PTPRG: variants seen among roughly 807,000 people sequenced by gnomAD.
PTPRG encodes receptor-type tyrosine-protein phosphatase gamma.
PTPRG carries 102 observed loss-of-function variants against 165.3 expected under a neutral mutation model. The observed-to-expected ratio is 0.62, with a 90% CI of 0.53 to 0.73. The LOEUF is 0.73. Ranked by LOEUF, PTPRG falls within the 30% of genes least tolerant of loss-of-function variation. The pLI is 0.00. For missense variants in PTPRG, 1,866 were observed against 1,861.4 expected, an observed-to-expected ratio of 1.00 and a Z score of -0.05; for synonymous variants, 675 against 669.5, an observed-to-expected ratio of 1.01 and a Z score of -0.13.
chr3:61,744,640 C>T (rs978535519), intron 1 of PTPRG, among the ~76,000 whole-genome samples: 14 of 152,210 alleles, frequency 9.2e-5, no homozygotes, highest in East Asian at 1.9e-4. Context: ...TGATTATGCT[C>T]TTACAGATAG....
chr3:62,098,023 AATTCGAGGTT>A (rs1314815132), intron 5 of PTPRG, among the ~76,000 whole-genome samples: 2 of 152,238 alleles, frequency 1.3e-5, no homozygotes, highest in Non-Finnish European at 2.9e-5. Context: ...TAATAATTCT[AATTCGAGGTT>A]ATCTTCATTA....
At chr3:62,070,545 C>T (rs976348663) in intron 4 of PTPRG, among the ~76,000 whole-genome samples, 2 of 152,246 alleles carry the variant, frequency 1.3e-5, no homozygotes, top group African/African-American at 2.4e-5. Context: ...CACAGACTTA[C>T]GTCCTGCGTG....
chr3:61,678,723 A>C (rs769164041), intron 1 of PTPRG, among the ~76,000 whole-genome samples: 27 of 152,300 alleles, frequency 1.8e-4, no homozygotes, highest in Admixed American at 7.8e-4. Context: ...ACGTGTCATA[A>C]TCATGTCCCA....
At chr3:62,009,044 G>A (rs1387384026) in intron 4 of PTPRG, among the ~76,000 whole-genome samples, 1 of 152,202 alleles carries the variant, frequency 6.6e-6, no homozygotes, top group Non-Finnish European at 1.5e-5. Flanking sequence ...ATGCTAAGTG[G>A]AAATATCAGT....
chr3:62,086,142 A>T (rs989916683), intron 5 of PTPRG, among the ~76,000 whole-genome samples: 1 of 152,214 alleles, frequency 6.6e-6, no homozygotes, highest in Non-Finnish European at 1.5e-5. Flanking sequence ...ATAAAGCAGA[A>T]CACCACTATT....
intron 2 of PTPRG, among the ~76,000 whole-genome samples, chr3:61,922,488 G>A (rs1376052245): frequency 6.6e-6 from 1 of 152,234 alleles, no homozygotes; most frequent in East Asian, 1.9e-4. Context: ...GTGAGTGTGT[G>A]TGTGTGTACG....
At chr3:61,606,437 A>G (rs1701010165) in intron 1 of PTPRG, among the ~76,000 whole-genome samples, 1 of 152,222 alleles carries the variant, frequency 6.6e-6, no homozygotes, top group Non-Finnish European at 1.5e-5. Flanking sequence ...TCTCTTCATT[A>G]AATTAAAGTC....
chr3:61,732,402 C>T (rs2032537764), intron 1 of PTPRG, among the ~76,000 whole-genome samples: 1 of 152,010 alleles, frequency 6.6e-6, no homozygotes, highest in African/African-American at 2.4e-5. Context: ...ACGGTGAAAC[C>T]CTGTCTCTAC....
chr3:61,843,964 CT>C (rs11310810), intron 2 of PTPRG, among the ~76,000 whole-genome samples: 69,568 of 121,770 alleles, frequency 0.57, 17,597 homozygotes, highest in Non-Finnish European at 0.61. Context: ...TTTTACAACT[CT>C]TTTTTTTTTT....
At position 62,293,394 on chromosome 3, in the gene PTPRG, C is replaced by G; in HGVS notation, c.*87C>G. ...CTTTTTTGCCAGACTCTAGGTTATA[C>G]AATAACCCAGTTACTTTTTTACACT... On this transcript the variant is annotated 3_prime_UTR_variant, in exon 30 of 30. Transcript: ENST00000474889. 1.7e-6 allele frequency: 2 copies of G among 1,189,000 alleles called. No homozygotes were observed. The highest frequency in any genetic ancestry group is 2.3e-6 in the Non-Finnish European group (2 of 877,000). The allele number at this position is 1,189,000 out of a possible 1,614,324, so 73.7% of individuals were successfully genotyped here.
rs75355348 is a variant in PTPRG, at chr3:61,884,405, A to T, written c.191-105220A>T. On this transcript the variant is annotated intron_variant, in intron 2 of 29. Coordinates refer to ENST00000474889, the MANE Select transcript of PTPRG (RefSeq NM_002841.4). ...GGGAATTGAGTCTGGTGGGGAAGAT[A>T]GCAAAAGTTATATAAACAAACAAAT... Among the ~76,000 whole-genome samples, 73 of 152,326 alleles carry T rather than the reference A, an allele frequency of 4.8e-4. 1 individual carries two copies. The East Asian group carries it at 6.8e-3, about 14-fold the overall frequency.
At chr3:61,593,722 A>C (rs957462896) in intron 1 of PTPRG, among the ~76,000 whole-genome samples, 2 of 16,620 alleles carry the variant, frequency 1.2e-4, no homozygotes, top group African/African-American at 2.9e-4. Context: ...AAAAAAAAAA[A>C]AGAAGAAAAA....
chr3:62,269,162 T>C lies in PTPRG; in HGVS notation c.3002T>C (p.Val1001Ala). The C allele has an allele frequency of 1.3e-6, 2 of 1,578,358 alleles. No homozygotes were observed. Among genetic ancestry groups the C allele is most frequent in the Non-Finnish European group, 1.7e-6 (2 of 1,154,798 alleles). ...VRRFSIRNTK[V>A]KKGQKGNPKG... ...CGTTTTTCAATCAGAAATACAAAAGTGAAAAAGGTATGGAAGGAATTGGGT... is the reference window on the plus strand; with the variant it reads ...CGTTTTTCAATCAGAAATACAAAAGCGAAAAAGGTATGGAAGGAATTGGGT... The change falls in exon 20 of 30, where the codon GTG becomes GCG. Residue 1001 changes from valine (V) to alanine (A), a missense_variant. Coordinates refer to ENST00000474889, the MANE Select transcript of PTPRG (RefSeq NM_002841.4).
At chr3:61,644,075 A>G (rs1406294671) in intron 1 of PTPRG, among the ~76,000 whole-genome samples, 1 of 152,272 alleles carries the variant, frequency 6.6e-6, no homozygotes, top group Non-Finnish European at 1.5e-5. Context: ...GTTTCAGCAG[A>G]TGTGTGAATA....
At chr3:62,069,684 T>TCTCACA (rs542306888) in intron 4 of PTPRG, among the ~76,000 whole-genome samples, 16 of 144,960 alleles carry the variant, frequency 1.1e-4, no homozygotes, top group African/African-American at 3.4e-4. Flanking sequence ...TCTCTCTCTC[T>TCTCACA]CACACACAGA....
At chr3:61,744,648 T>C (rs1355477337) in intron 1 of PTPRG, among the ~76,000 whole-genome samples, 3 of 152,126 alleles carry the variant, frequency 2.0e-5, no homozygotes, top group African/African-American at 7.2e-5. Flanking sequence ...CTCTTACAGA[T>C]AGGGGAGGGG....
chr3:61,847,670 G>T (rs2107353132), intron 2 of PTPRG, among the ~76,000 whole-genome samples: 1 of 152,282 alleles, frequency 6.6e-6, no homozygotes, highest in South Asian at 2.1e-4. Context: ...AAGCCAAGAA[G>T]ATAGAAGAGG....
In PTPRG at chr3:61,562,295, G is replaced by C; in HGVS notation, c.8G>C (p.Arg3Thr). The C allele has an allele frequency of 1.9e-6, 3 of 1,613,648 alleles. No homozygotes were observed. Among genetic ancestry groups the C allele is most frequent in the Non-Finnish European group, 2.5e-6 (3 of 1,179,630 alleles). Residue 3 changes from arginine (R) to threonine (T), a missense_variant, in exon 1 of 30, where the codon AGG becomes ACG. Coordinates refer to ENST00000474889, the MANE Select transcript of PTPRG (RefSeq NM_002841.4). ...CGATGTGCGTTTTCGGACATGCGGAGGTTACTGGAACCGTGTTGGTGGATT... is the reference window on the plus strand; with the variant it reads ...CGATGTGCGTTTTCGGACATGCGGACGTTACTGGAACCGTGTTGGTGGATT... MRRLLEPCWWILF... is the reference protein window; with the variant it reads MRTLLEPCWWILF...
chr3:61,707,331 A>T (rs2031314045), intron 1 of PTPRG, among the ~76,000 whole-genome samples: 1 of 152,220 alleles, frequency 6.6e-6, no homozygotes, highest in Non-Finnish European at 1.5e-5. Flanking sequence ...TATTATAACA[A>T]ATTGGCTCAT....
Sources: allele counts gnomAD v4.1 joint callset (sites outside exome capture counted in the v4.1 genomes callset), GRCh38; gene constraint gnomAD v4.1.1; transcripts MANE v1.5; gene names NCBI Gene and HGNC (gene_info 2026-07-23, HGNC 2026-07-21).